PPIL6: variants seen among roughly 807,000 people sequenced by gnomAD.
The protein encoded by PPIL6 is peptidylprolyl isomerase like 6, also known as probable inactive peptidyl-prolyl cis-trans isomerase-like 6.
Under a neutral mutation model 36.8 loss-of-function variants are expected in PPIL6, and 39 were observed. That is an observed-to-expected ratio of 1.06 (90% CI 0.82 to 1.38). PPIL6 has a LOEUF of 1.38. Among genes scored for constraint, PPIL6 ranks in the 40% most tolerant of loss-of-function variants. PPIL6 has a pLI of 0.00. For synonymous variants in PPIL6, 123 were observed against 134.1 expected, an observed-to-expected ratio of 0.92 and a Z score of 0.57; for missense variants, 368 against 379.1, an observed-to-expected ratio of 0.97 and a Z score of 0.24.
chr6:109,398,367 A>G (rs1772387746), intron 7 of PPIL6, among the ~76,000 whole-genome samples: 1 of 152,208 alleles, frequency 6.6e-6, no homozygotes, highest in Non-Finnish European at 1.5e-5. Flanking sequence ...AGTATCACAG[A>G]AAGCATTACA....
At chr6:109,433,021 T>G (rs1774236832) in intron 2 of PPIL6, among the ~76,000 whole-genome samples, 1 of 152,096 alleles carries the variant, frequency 6.6e-6, no homozygotes, top group African/African-American at 2.4e-5. Context: ...GTGTTTAAAT[T>G]TATCAGTGTT....
chr6:109,415,588 G>A (rs186041560), intron 6 of PPIL6, among the ~76,000 whole-genome samples: 40 of 152,270 alleles, frequency 2.6e-4, no homozygotes, highest in African/African-American at 4.8e-4. Context: ...CATAAATCCC[G>A]TGAAGTCAAG....
At chr6:109,432,430 A>C (rs1774208298) in intron 2 of PPIL6, among the ~76,000 whole-genome samples, 1 of 151,982 alleles carries the variant, frequency 6.6e-6, no homozygotes, top group Non-Finnish European at 1.5e-5. Context: ...CTCTGAGGAG[A>C]TCTGGTTTAT....
At chr6:109,411,094 T>C (rs947373317) in intron 6 of PPIL6, among the ~76,000 whole-genome samples, 6 of 152,294 alleles carry the variant, frequency 3.9e-5, no homozygotes, top group Admixed American at 2.0e-4. Flanking sequence ...TTCCCTTGTA[T>C]ATCAAAAACT....
At chr6:109,435,508 G>A (rs1164961818) in intron 2 of PPIL6, among the ~76,000 whole-genome samples, 1 of 152,074 alleles carries the variant, frequency 6.6e-6, no homozygotes, top group Non-Finnish European at 1.5e-5. Flanking sequence ...ACGTTGGCCA[G>A]GATGGTCTTG....
chr6:109,431,890 C>T (rs1227229132), intron 2 of PPIL6, among the ~76,000 whole-genome samples: 1 of 152,196 alleles, frequency 6.6e-6, no homozygotes, highest in African/African-American at 2.4e-5. Flanking sequence ...AACACTTGAG[C>T]CTCTATTTTG....
rs369519104 is a variant in PPIL6, at chr6:109,431,661, G to T, written c.232-316C>A. Among the ~76,000 whole-genome samples, 9 of 152,306 alleles carry T rather than the reference G, an allele frequency of 5.9e-5. No homozygotes were observed. In the East Asian group the frequency reaches 1.7e-3, roughly 29 times the overall value. ...TCATGCCCAGAAAGGCATTTAAAAT[G>T]TAATAGCAGTTATGTCTCACTCTCC... On this transcript the variant is annotated intron_variant, in intron 2 of 7. Transcript: ENST00000521072.
At chr6:109,402,169 A>G (rs971968939) in intron 6 of PPIL6, among the ~76,000 whole-genome samples, 6 of 152,216 alleles carry the variant, frequency 3.9e-5, no homozygotes, top group Admixed American at 2.0e-4. Flanking sequence ...GGATAATTTT[A>G]AAGCAGTTAA....
intron 7 of PPIL6, among the ~76,000 whole-genome samples, chr6:109,393,426 A>G (rs1029912458): frequency 9.9e-5 from 15 of 151,740 alleles, no homozygotes; most frequent in Non-Finnish European, 4.4e-5. Context: ...GGATCTTGCT[A>G]TGTTGCCCAG....
intron 6 of PPIL6, among the ~76,000 whole-genome samples, chr6:109,414,156 T>C (rs1282653530): frequency 2.6e-5 from 4 of 152,222 alleles, no homozygotes; most frequent in Non-Finnish European, 5.9e-5. Context: ...ATGGATACCC[T>C]ATTTTATATG....
chr6:109,431,372 A>G, intron 2 of PPIL6, 27 bp from the exon 3 acceptor site: 1 of 1,542,470 alleles, frequency 6.5e-7, no homozygotes, highest in Non-Finnish European at 8.8e-7. Context: ...CAAAAAAAAA[A>G]AAAAACGTAA....
chr6:109,399,085 C>G (rs1177477680), intron 7 of PPIL6, among the ~76,000 whole-genome samples: 1 of 146,758 alleles, frequency 6.8e-6, no homozygotes, highest in African/African-American at 2.7e-5. Flanking sequence ...ACCACCACAC[C>G]CAGCTAATTT....
chr6:109,424,611 T>C (rs1469883881), intron 5 of PPIL6, among the ~76,000 whole-genome samples: 1 of 152,186 alleles, frequency 6.6e-6, no homozygotes, highest in African/African-American at 2.4e-5. Context: ...CATTCCCAGA[T>C]GGTTATGGCA....
intron 2 of PPIL6, among the ~76,000 whole-genome samples, chr6:109,433,809 G>A (rs1407373486): frequency 6.6e-6 from 1 of 152,204 alleles, no homozygotes; most frequent in Non-Finnish European, 1.5e-5. Flanking sequence ...AGAGGAGAAG[G>A]GAGGGAGGGG....
chr6:109,394,899 C>T (rs979992692), intron 7 of PPIL6, among the ~76,000 whole-genome samples: 3 of 152,196 alleles, frequency 2.0e-5, no homozygotes, highest in African/African-American at 7.2e-5. Context: ...TGAATATCCA[C>T]CTCCTGGGAT....
In PPIL6 at chr6:109,400,180, A is replaced by T; in HGVS notation, c.689-10T>A. ...ACTGAAAAGTTTTCATCTAGGAAAG[A>T]CAATAATCAGTAGGTCATTAGCACA... On this transcript the variant is annotated splice_polypyrimidine_tract_variant and intron_variant, in intron 6 of 7. Coordinates refer to ENST00000521072, the MANE Select transcript of PPIL6 (RefSeq NM_173672.5). 1 of 1,605,674 alleles carries T rather than the reference A, an allele frequency of 6.2e-7. No homozygotes were observed. Among genetic ancestry groups the T allele is most frequent in the Non-Finnish European group, 8.5e-7 (1 of 1,174,156 alleles).
chr6:109,420,344 A>G (rs866312150), intron 5 of PPIL6, among the ~76,000 whole-genome samples: 195 of 150,316 alleles, frequency 1.3e-3, no homozygotes, highest in African/African-American at 4.5e-3. Context: ...AAAAAAAAAA[A>G]AAAAAAAAAA....
rs1439943115 is a variant in PPIL6 at position 109,436,123 on chromosome 6, TA to T, written c.211del (p.Tyr71IlefsTer20). The part of the protein sequence containing the change: ...VPLQEFAWHQ[Y>X]LQEKKRELKN... ...CTTTACCCTTTTTTTCTCCTGTAGATATTGATGCCATGCAAATTCTTGAAGA... is the reference window on the plus strand; with the variant it reads ...CTTTACCCTTTTTTTCTCCTGTAGATTTGATGCCATGCAAATTCTTGAAGA... On this transcript the variant is annotated frameshift_variant, in exon 2 of 8. Coordinates refer to ENST00000521072, the MANE Select transcript of PPIL6 (RefSeq NM_173672.5). LOFTEE classifies it high-confidence loss of function. The T allele has an allele frequency of 6.4e-7, 1 of 1,572,886 alleles. No homozygotes were observed. The highest frequency in any genetic ancestry group is 8.7e-7 in the Non-Finnish European group (1 of 1,142,862).
At position 109,417,612 on chromosome 6, in the gene PPIL6, C is replaced by A. The variant is rs192014846; in HGVS notation, c.688+1575G>T. Among the ~76,000 whole-genome samples, 282 of 152,188 alleles carry A rather than the reference C, an allele frequency of 1.9e-3. 1 individual carries two copies. Among genetic ancestry groups the A allele is most frequent in the African/African-American group, 6.6e-3 (272 of 41,514 alleles). On this transcript the variant is annotated intron_variant, in intron 6 of 7. Coordinates refer to ENST00000521072, the MANE Select transcript of PPIL6 (RefSeq NM_173672.5). ...AAATTAGTGTAATAGTGGTCAGAAT[C>A]AAAATGTAGTCATGTTTAAAAAATG...
Sources: gnomAD v4.1 joint callset for allele counts (sites outside exome capture counted in the v4.1 genomes callset) on GRCh38, gnomAD v4.1.1 for gene constraint, MANE v1.5 for transcripts, NCBI Gene and HGNC (gene_info 2026-07-23, HGNC 2026-07-21) for gene names.